TRIO: variants seen among roughly 807,000 people sequenced by gnomAD.
TRIO encodes trio Rho guanine nucleotide exchange factor.
Under a neutral mutation model 351.9 loss-of-function variants are expected in TRIO, and 58 were observed. That is an observed-to-expected ratio of 0.16 (90% confidence interval 0.13 to 0.21). The LOEUF is 0.21. Ranked by LOEUF, TRIO falls within the 10% of genes least tolerant of loss-of-function variation. The pLI, the probability that TRIO is intolerant of heterozygous loss-of-function variation, is 1.00. For synonymous variants in TRIO, 1,758 were observed against 1,595.7 expected, an observed-to-expected ratio of 1.10 and a Z score of -2.42; for missense variants, 3,201 against 4,027.8, an observed-to-expected ratio of 0.79 and a Z score of 5.56.
At chr5:14,488,295 C>A (rs973993053) in intron 48 of TRIO, 35 bp downstream of exon 48, 2 of 1,521,798 alleles carry the variant, frequency 1.3e-6, no homozygotes, top group Non-Finnish European at 1.8e-6. Flanking sequence ...CCTCCCGCCC[C>A]CCTGCCTCTG....
intron 33 of TRIO, among the ~76,000 whole-genome samples, chr5:14,414,303 G>C (rs1170104728): frequency 6.6e-6 from 1 of 152,252 alleles, no homozygotes; most frequent in Non-Finnish European, 1.5e-5. Context: ...TGGTCCAGGT[G>C]AGCCTCTGTG....
intron 34 of TRIO, among the ~76,000 whole-genome samples, chr5:14,424,123 T>A (rs942143146): frequency 1.3e-5 from 2 of 151,962 alleles, no homozygotes; most frequent in African/African-American, 4.8e-5. Flanking sequence ...AGTGGTGAGC[T>A]TGGAGGATGC....
intron 34 of TRIO, among the ~76,000 whole-genome samples, chr5:14,456,270 G>C (rs1385443813): frequency 7.9e-5 from 12 of 152,254 alleles, no homozygotes; most frequent in Non-Finnish European, 1.2e-4. Context: ...CCACACCTCT[G>C]TGCAAGCAGA....
intron 10 of TRIO, among the ~76,000 whole-genome samples, chr5:14,335,139 C>G (rs984596274): frequency 4.6e-5 from 7 of 152,198 alleles, no homozygotes; most frequent in Non-Finnish European, 1.0e-4. Flanking sequence ...CTCAAGTTTT[C>G]TCCTTCGCTA....
intron 20 of TRIO, among the ~76,000 whole-genome samples, chr5:14,379,841 C>G (rs1213428379): frequency 6.6e-6 from 1 of 152,218 alleles, no homozygotes; most frequent in African/African-American, 2.4e-5. Flanking sequence ...CATCTGCCTT[C>G]CAGCCGTTCT....
chr5:14,271,558 C>A (rs1016392748), intron 2 of TRIO, among the ~76,000 whole-genome samples: 1 of 152,188 alleles, frequency 6.6e-6, no homozygotes, highest in African/African-American at 2.4e-5. Flanking sequence ...TTTGGACTGT[C>A]TTCTTGGGGC....
intron 34 of TRIO, among the ~76,000 whole-genome samples, chr5:14,445,279 T>G (rs1328568182): frequency 6.6e-6 from 1 of 152,162 alleles, no homozygotes; most frequent in Admixed American, 6.5e-5. Context: ...CTCCTATTAA[T>G]TTTTTGCAAT....
intron 11 of TRIO, among the ~76,000 whole-genome samples, chr5:14,342,193 T>C (rs1031108372): frequency 3.3e-5 from 5 of 152,182 alleles, no homozygotes; most frequent in South Asian, 2.1e-4. Flanking sequence ...TCTGGCTTCT[T>C]GGTACGTGAG....
At chr5:14,307,292 C>G (rs1400964749) in intron 8 of TRIO, among the ~76,000 whole-genome samples, 3 of 152,206 alleles carry the variant, frequency 2.0e-5, no homozygotes, top group Non-Finnish European at 4.4e-5. Context: ...TCCTATTTCC[C>G]CAAGTGTTCC....
At chr5:14,495,461 T>G (rs1252015111) in intron 49 of TRIO, among the ~76,000 whole-genome samples, 1 of 152,004 alleles carries the variant, frequency 6.6e-6, no homozygotes, top group East Asian at 1.9e-4. Context: ...CAGTGTCACA[T>G]GCTGCAGGGA....
At chr5:14,247,891 C>G (rs928136690) in intron 1 of TRIO, among the ~76,000 whole-genome samples, 1 of 152,004 alleles carries the variant, frequency 6.6e-6, no homozygotes, top group Non-Finnish European at 1.5e-5. Context: ...TATGGTGAAA[C>G]CCCATCTCTA....
At position 14,487,711 on chromosome 5, in the gene TRIO, A is replaced by G. The variant is rs1391894503; in HGVS notation, c.7083A>G (p.Ala2361=). 2 of 1,425,456 alleles carry G rather than the reference A, an allele frequency of 1.4e-6. No individual in the cohort carries two copies. Among genetic ancestry groups the G allele is most frequent in the Non-Finnish European group, 1.9e-6 (2 of 1,078,502 alleles). The allele number at this position is 1,425,456 out of a possible 1,614,324, so 88.3% of individuals were successfully genotyped here. Residue 2361 remains alanine (A), a synonymous_variant, in exon 48 of 57, where the codon GCA becomes GCG. Transcript: ENST00000344204. ...VLVSSAASSQ[A]EADKMSGTST... ...TCTCCTCTGCAGCCTCGAGCCAGGC[A>G]GAGGCAGACAAGATGTCAGGTACGT...
At chr5:14,468,134 G>A (rs562188247) in intron 37 of TRIO, among the ~76,000 whole-genome samples, 4 of 147,618 alleles carry the variant, frequency 2.7e-5, no homozygotes, top group African/African-American at 7.4e-5. Flanking sequence ...ATTAATTCAC[G>A]TGGACTTCCA....
At chr5:14,272,765 G>A (rs1267292570) in intron 2 of TRIO, among the ~76,000 whole-genome samples, 1 of 152,162 alleles carries the variant, frequency 6.6e-6, no homozygotes, top group Admixed American at 6.5e-5. Context: ...TGGCAAAGCT[G>A]ATTAGCATGA....
intron 1 of TRIO, among the ~76,000 whole-genome samples, chr5:14,186,253 C>A (rs1482214893): frequency 6.6e-6 from 1 of 152,176 alleles, no homozygotes; most frequent in African/African-American, 2.4e-5. Context: ...GCTGGCCTTC[C>A]CAACTCTCAA....
intron 16 of TRIO, among the ~76,000 whole-genome samples, 190 bp downstream of exon 16, chr5:14,367,169 C>A (rs190529122): frequency 1.4e-4 from 21 of 152,190 alleles, no homozygotes; most frequent in Non-Finnish European, 2.6e-4. Flanking sequence ...TGTGGTGCCA[C>A]GGTGAGGTGA....
At chr5:14,348,108 G>A (rs977832797) in intron 11 of TRIO, among the ~76,000 whole-genome samples, 1 of 152,200 alleles carries the variant, frequency 6.6e-6, no homozygotes, top group East Asian at 1.9e-4. Flanking sequence ...TTTGGATCAC[G>A]TGGGTATTGT....
At chr5:14,264,833 G>A (rs1212375319) in intron 1 of TRIO, among the ~76,000 whole-genome samples, 2 of 152,184 alleles carry the variant, frequency 1.3e-5, no homozygotes, top group African/African-American at 2.4e-5. Flanking sequence ...GTGCGCTTGC[G>A]GAGCGAGGGC....
rs958420988 is a variant in TRIO, at chr5:14,387,794, A to G, written c.3828A>G (p.Arg1276=). 10 of 1,614,106 alleles carry G rather than the reference A, an allele frequency of 6.2e-6. No homozygotes were observed. Among genetic ancestry groups the G allele is most frequent in the Non-Finnish European group, 8.5e-6 (10 of 1,180,040 alleles). Residue 1276 remains arginine (R), a synonymous_variant, in exon 23 of 57, where the codon CGA becomes CGG. Coordinates refer to ENST00000344204, the MANE Select transcript of TRIO (RefSeq NM_007118.4). ...TCCCTGGCTCAGAGGTGAAACTTCG[A>G]GATGCTGCTCATGAACTTAATGAAG... ...ASIPGSEVKL[R]DAAHELNEEK...
Sources: allele counts gnomAD v4.1 joint callset (sites outside exome capture counted in the v4.1 genomes callset), GRCh38; gene constraint gnomAD v4.1.1; transcripts MANE v1.5; gene names NCBI Gene and HGNC (gene_info 2026-07-23, HGNC 2026-07-21).